NAA11: variants seen among roughly 807,000 people sequenced by gnomAD.
NAA11 encodes the protein N-alpha-acetyltransferase 11.
In NAA11, 15 loss-of-function variants were observed where a neutral mutation model predicts 16.1. That is an observed-to-expected ratio of 0.93 (90% CI 0.62 to 1.44). The LOEUF (loss-of-function observed/expected upper bound fraction) is 1.44. NAA11 is among the 40% of genes most tolerant of loss of function. NAA11 has a pLI of 0.00. For missense variants in NAA11, 298 were observed against 291.3 expected (o/e 1.02, Z -0.17); for synonymous variants, 122 against 112.4 (o/e 1.09, Z -0.54).
At chr4:79,163,508 G>A in the NAA11 span, among the ~76,000 whole-genome samples, 1 of 152,222 alleles carries the variant, frequency 6.6e-6, no homozygotes, top group East Asian at 1.9e-4. Context: ...CTGTCACTGG[G>A]TCATCATTAC....
At chr4:79,255,267 A>T (rs1722082168) in intron 2 of NAA11, among the ~76,000 whole-genome samples, 2 of 152,158 alleles carry the variant, frequency 1.3e-5, no homozygotes, top group Admixed American at 1.3e-4. Flanking sequence ...TTATGAAATG[A>T]ATTGCTCTAA....
chr4:79,295,594 C>T (rs1012037464), intron 1 of NAA11, among the ~76,000 whole-genome samples: 1 of 152,158 alleles, frequency 6.6e-6, no homozygotes, highest in East Asian at 1.9e-4. Flanking sequence ...GTTTATCCCC[C>T]CAAACCGTAA....
intron 2 of NAA11, among the ~76,000 whole-genome samples, chr4:79,265,512 T>C (rs1033345071): frequency 2.6e-5 from 4 of 152,174 alleles, no homozygotes; most frequent in Non-Finnish European, 5.9e-5. Flanking sequence ...TATTGCACTT[T>C]CTTTAGCTTA....
At chr4:79,159,199 A>G in the NAA11 span, among the ~76,000 whole-genome samples, 1 of 152,210 alleles carries the variant, frequency 6.6e-6, no homozygotes. Context: ...CTGGCAAAGC[A>G]CTAATATGCA....
chr4:79,157,555 ATATGTATATG>A, the NAA11 span, among the ~76,000 whole-genome samples: 14 of 151,836 alleles, frequency 9.2e-5, no homozygotes, highest in Non-Finnish European at 1.9e-4. Context: ...ACATGTACAC[ATATGTATATG>A]TATGTATATA....
intron 1 of NAA11, among the ~76,000 whole-genome samples, chr4:79,305,424 A>C (rs191290709): frequency 2.7e-4 from 41 of 152,354 alleles, no homozygotes; most frequent in African/African-American, 9.9e-4. Flanking sequence ...TCTGAGATCT[A>C]GAAGTTTTAT....
chr4:79,311,204 A>T (rs370740452), intron 1 of NAA11, among the ~76,000 whole-genome samples: 2 of 152,218 alleles, frequency 1.3e-5, no homozygotes, highest in Non-Finnish European at 2.9e-5. Flanking sequence ...GTCTTTTAAT[A>T]AGAATTGTAC....
At chr4:79,173,287 A>G in the NAA11 span, among the ~76,000 whole-genome samples, 7 of 152,088 alleles carry the variant, frequency 4.6e-5, no homozygotes, top group African/African-American at 1.7e-4. Context: ...TCATTCAATC[A>G]GCTATGTGTT....
At chr4:79,267,831 G>C (rs1722386532) in intron 2 of NAA11, among the ~76,000 whole-genome samples, 1 of 152,060 alleles carries the variant, frequency 6.6e-6, no homozygotes, top group Non-Finnish European at 1.5e-5. Flanking sequence ...GCTGACGTTT[G>C]CATTGCTGTT....
chr4:79,218,691 A>T, the NAA11 span, among the ~76,000 whole-genome samples: 1 of 152,050 alleles, frequency 6.6e-6, no homozygotes, highest in East Asian at 1.9e-4. Context: ...ATTGAAATGG[A>T]TTTCTATGTC....
chr4:79,315,982 A>G (rs1388095067), downstream of NAA11, among the ~76,000 whole-genome samples: 1 of 152,212 alleles, frequency 6.6e-6, no homozygotes, highest in East Asian at 1.9e-4. Flanking sequence ...TTAGTAAATA[A>G]CACTGCAGAA....
At chr4:79,202,354 T>G in the NAA11 span, among the ~76,000 whole-genome samples, 1 of 151,094 alleles carries the variant, frequency 6.6e-6, no homozygotes, top group Admixed American at 6.6e-5. Context: ...AATACCATTT[T>G]CCTCATTATA....
rs75524622 is a variant in NAA11, at chr4:79,306,295, C to G, written c.*13-12181G>C. ...GGCTTAAGTGACAGAAATATATAGT[C>G]TCACAGTTTGGGATGCTAGAAGCCT... is the stretch of plus-strand genomic sequence containing the variant. On this transcript the variant is annotated intron_variant and NMD_transcript_variant, in intron 1 of 2. Coordinates refer to the NAA11 transcript ENST00000511542. Among the ~76,000 whole-genome samples the G allele has an allele frequency of 5.3e-3, 809 of 152,252 alleles. 12 individuals carry two copies. The highest frequency in any genetic ancestry group is 0.019 in the African/African-American group (785 of 41,534).
chr4:79,236,375 TAA>T (rs1413327185), intron 2 of NAA11, among the ~76,000 whole-genome samples: 2 of 152,054 alleles, frequency 1.3e-5, no homozygotes, highest in African/African-American at 4.8e-5. Flanking sequence ...TGAATATAAA[TAA>T]GTTTCAGATA....
intron 2 of NAA11, among the ~76,000 whole-genome samples, chr4:79,238,397 A>T (rs1050197191): frequency 6.6e-6 from 1 of 152,220 alleles, no homozygotes; most frequent in Non-Finnish European, 1.5e-5. Flanking sequence ...ATAACTTAAA[A>T]CTTGGAACAA....
At chr4:79,284,408 C>T (rs1722863264) in intron 2 of NAA11, among the ~76,000 whole-genome samples, 1 of 152,000 alleles carries the variant, frequency 6.6e-6, no homozygotes, top group African/African-American at 2.4e-5. Flanking sequence ...GGGTATCTTC[C>T]TCTGAGGTAG....
intron 1 of NAA11, among the ~76,000 whole-genome samples, chr4:79,311,448 A>G (rs1293354772): frequency 6.6e-6 from 1 of 152,228 alleles, no homozygotes; most frequent in Non-Finnish European, 1.5e-5. Flanking sequence ...TCTCTTTCAT[A>G]CATTGTCACT....
chr4:79,259,658 A>C (rs903615993), intron 2 of NAA11, among the ~76,000 whole-genome samples: 1 of 152,240 alleles, frequency 6.6e-6, no homozygotes, highest in Non-Finnish European at 1.5e-5. Context: ...CCAGCCAGAA[A>C]GGTGACACCT....
At chr4:79,236,439 A>T (rs941567078) in intron 2 of NAA11, among the ~76,000 whole-genome samples, 1 of 152,168 alleles carries the variant, frequency 6.6e-6, no homozygotes, top group African/African-American at 2.4e-5. Context: ...TTCAATTTGA[A>T]GAATTTGTAA....
Sources: allele counts gnomAD v4.1 joint callset (sites outside exome capture counted in the v4.1 genomes callset), GRCh38; gene constraint gnomAD v4.1.1; transcripts MANE v1.5; gene names NCBI Gene and HGNC (gene_info 2026-07-23, HGNC 2026-07-21).